SMC4: variants seen among roughly 807,000 people sequenced by gnomAD.
SMC4 encodes structural maintenance of chromosomes 4, also known as structural maintenance of chromosomes protein 4.
In SMC4, 87 loss-of-function variants were observed where a neutral mutation model predicts 145.6. That is an observed-to-expected ratio of 0.60 (90% CI 0.50 to 0.71). SMC4 has a LOEUF of 0.71. Among genes scored for constraint, SMC4 ranks in the 30% least tolerant of loss-of-function variants. The probability of loss-of-function intolerance (pLI) is 0.00; values close to 1 mark genes in which losing one functional copy is unlikely to be tolerated. For missense variants in SMC4, 1,447 were observed against 1,537.1 expected (o/e 0.94, Z 0.98); for synonymous variants, 558 against 500.7 (o/e 1.11, Z -1.53).
intron 7 of SMC4, chr3:160,412,730 A>G (rs182446417): frequency 9.5e-4 from 681 of 718,138 alleles, no homozygotes; most frequent in Admixed American, 5.3e-3. Context: ...AACTTATCCA[A>G]TGTGAGGACT....
chr3:160,413,678 A>T (rs973399766), intron 8 of SMC4, 65 bp downstream of exon 8: 1 of 932,756 alleles, frequency 1.1e-6, no homozygotes, highest in African/African-American at 1.7e-5. Context: ...ATTTATATAT[A>T]AAGTTACTTC....
At chr3:160,400,665 G>T (rs140981914) in intron 1 of SMC4, 157 bp from the exon 2 acceptor site, 2 of 904,974 alleles carry the variant, frequency 2.2e-6, no homozygotes, top group South Asian at 2.2e-5. Context: ...CTTGCCACTC[G>T]TGTCTTTCGA....
intron 13 of SMC4, among the ~76,000 whole-genome samples, chr3:160,422,859 T>A (rs1215136323): frequency 6.6e-6 from 1 of 152,188 alleles, no homozygotes; most frequent in Non-Finnish European, 1.5e-5. Flanking sequence ...AAACTACTCT[T>A]TCCATGTGGC....
chr3:160,426,632 T>A (rs75693260), intron 17 of SMC4, among the ~76,000 whole-genome samples: 2,370 of 152,138 alleles, frequency 0.016, 63 homozygotes, highest in African/African-American at 0.053. Context: ...CTTTCATAAC[T>A]TCTTCTTGTG....
At chr3:160,408,787 A>G (rs1175497622) in intron 5 of SMC4, among the ~76,000 whole-genome samples, 1 of 152,178 alleles carries the variant, frequency 6.6e-6, no homozygotes, top group Admixed American at 6.5e-5. Context: ...ATGGAAAAAG[A>G]AGGAAGAAAG....
chr3:160,425,019 G>GGTTTGTGTGTGTGTGTGTGTGTGT lies in SMC4; in HGVS notation c.2478+2_2478+3insTTGTGTGTGTGTGTGTGTGTGTGT. 1 of 1,227,008 alleles carries GGTTTGTGTGTGTGTGTGTGTGTGT rather than the reference G, an allele frequency of 8.1e-7. No homozygotes were observed. Among genetic ancestry groups the GGTTTGTGTGTGTGTGTGTGTGTGT allele is most frequent in the Non-Finnish European group, 1.1e-6 (1 of 904,464 alleles). 76.0% of individuals were successfully genotyped at this position (1,227,008 alleles called of 1,614,324 possible). ...TAGAAAAATTTACTGCAAGCATCCA[G>GGTTTGTGTGTGTGTGTGTGTGTGT]GTATGTGTGTGTGTGTGTGTGTGTG... On this transcript the variant is annotated inframe_insertion and splice_region_variant. Coordinates refer to ENST00000357388, the MANE Select transcript of SMC4 (RefSeq NM_001002800.3).
At chr3:160,414,632 T>A (rs926129951) in intron 9 of SMC4, 115 bp downstream of exon 9, 3 of 1,069,652 alleles carry the variant, frequency 2.8e-6, no homozygotes, top group Non-Finnish European at 4.1e-6. Flanking sequence ...AAATGTTGTT[T>A]TAAGGTTTGT....
chr3:160,400,903 C>T lies in SMC4; in HGVS notation c.77C>T (p.Ala26Val). 6.7e-7 allele frequency: 1 copy of T among 1,499,000 alleles called. No individual in the cohort carries two copies. The highest frequency in any genetic ancestry group is 8.8e-7 in the Non-Finnish European group (1 of 1,132,936). The allele number at this position is 1,499,000 out of a possible 1,614,324, so 92.9% of individuals were successfully genotyped here. A position where few individuals can be genotyped will look rare whatever the true frequency, so the allele number is the denominator to read the frequency against. ...EGPPPPSPDG[A>V]SSDAEPEPPS... ...CCGCCGCCGCCGTCCCCTGACGGCG[C>T]CAGCAGCGACGCGGAGCCTGAGCCG... The change falls in exon 2 of 24, where the codon GCC becomes GTC. Residue 26 changes from alanine to valine, a missense_variant. Physicochemically the swap from Ala to Val is moderately conservative, Grantham distance 64. Coordinates refer to ENST00000357388, the MANE Select transcript of SMC4 (RefSeq NM_001002800.3).
chr3:160,413,414 A>G lies in SMC4; in HGVS notation c.981-59A>G, dbSNP rs149498901. The G allele has an allele frequency of 2.4e-4, 366 of 1,498,166 alleles. 4 individuals are homozygous for G. The East Asian group carries it at 8.5e-3, about 35-fold the overall frequency. 92.8% of individuals were successfully genotyped at this position (1,498,166 alleles called of 1,614,324 possible). A position where few individuals can be genotyped will look rare whatever the true frequency, so the allele number is the denominator to read the frequency against. On this transcript the variant is annotated intron_variant, in intron 7 of 23. Coordinates refer to ENST00000357388, the MANE Select transcript of SMC4 (RefSeq NM_001002800.3). ...GTTAGTTTTACTAAAATTGTTATACAGTTTTGGAAATGGCATTTTAGGAGC... is the reference window on the plus strand; with the variant it reads ...GTTAGTTTTACTAAAATTGTTATACGGTTTTGGAAATGGCATTTTAGGAGC...
intron 17 of SMC4, 100 bp downstream of exon 17, chr3:160,426,300 T>C (rs1430752716): frequency 3.5e-6 from 3 of 856,446 alleles, no homozygotes; most frequent in Non-Finnish European, 5.7e-6. Flanking sequence ...AAGCTAAGTA[T>C]ATGCAAGTCA....
At position 160,434,166 on chromosome 3, in the gene SMC4, C is replaced by T. The variant is rs1718734154; in HGVS notation, c.*357C>T. The T allele has an allele frequency of 5.8e-6, 1 of 173,090 alleles. No individual in the cohort carries two copies. The highest frequency in any genetic ancestry group is 1.2e-5 in the Non-Finnish European group (1 of 82,362). The allele number at this position is 173,090 out of a possible 1,614,324, so 10.7% of individuals were successfully genotyped here. A position where few individuals can be genotyped will look rare whatever the true frequency, so the allele number is the denominator to read the frequency against. The stretch of plus-strand genomic sequence containing the variant: ...TTTGATTTACCAACACTGGAAATGC[C>T]TGCCAACTAATCTTGGATAGATTCT... On this transcript the variant is annotated 3_prime_UTR_variant, in exon 24 of 24. Coordinates refer to ENST00000357388, the MANE Select transcript of SMC4 (RefSeq NM_001002800.3).
intron 8 of SMC4, 110 bp downstream of exon 8, chr3:160,413,723 A>G (rs539513519): frequency 1.5e-6 from 1 of 648,772 alleles, no homozygotes; most frequent in South Asian, 2.6e-5. Context: ...TTGCCAGCAT[A>G]TCAAGTGGTG....
In SMC4 at chr3:160,426,274, A is replaced by G. The variant is rs868146569; in HGVS notation, c.2605+74A>G. On this transcript the variant is annotated intron_variant, in intron 17 of 23. Transcript: ENST00000357388. ...TTAAAGCTTGCAATATTTAAGAAGC[A>G]GTAGAATAATAATAGAAGCTAAGTA... 3 of 1,093,800 alleles carry G rather than the reference A, an allele frequency of 2.7e-6. No individual in the cohort carries two copies. In the Middle Eastern group the frequency reaches 6.2e-4, roughly 226 times the overall value. The allele number at this position is 1,093,800 out of a possible 1,614,324, so 67.8% of individuals were successfully genotyped here. A position where few individuals can be genotyped will look rare whatever the true frequency, so the allele number is the denominator to read the frequency against.
Position 160,429,010 on chromosome 3 carries a change from A to G in SMC4, c.2795+68A>G. On this transcript the variant is annotated intron_variant, in intron 18 of 23. Transcript: ENST00000357388. ...CCTTCACATTGGAAAGGGGGTTACT[A>G]TGTAATGTTCCATAAAATGTTTCTC... 3.9e-6 allele frequency: 5 copies of G among 1,274,662 alleles called. No homozygotes were observed. In the Middle Eastern group the frequency reaches 7.8e-4, roughly 199 times the overall value. The allele number at this position is 1,274,662 out of a possible 1,614,324, so 79.0% of individuals were successfully genotyped here. A position where few individuals can be genotyped will look rare whatever the true frequency, so the allele number is the denominator to read the frequency against.
intron 20 of SMC4, among the ~76,000 whole-genome samples, 181 bp downstream of exon 20, chr3:160,431,386 C>T (rs1024021589): frequency 2.6e-5 from 4 of 152,066 alleles, no homozygotes; most frequent in Admixed American, 6.5e-5. Context: ...TTGTTATATA[C>T]AGAAAAGTCT....
intron 12 of SMC4, 100 bp from the exon 13 acceptor site, chr3:160,420,640 A>G: frequency 2.4e-6 from 3 of 1,241,918 alleles, no homozygotes; most frequent in South Asian, 1.3e-5. Flanking sequence ...CCATGTCTAC[A>G]TAAAGTTTTT....
chr3:160,430,058 T>C lies in SMC4; in HGVS notation c.2796-541T>C, dbSNP rs551787724. On this transcript the variant is annotated intron_variant, in intron 18 of 23. Transcript: ENST00000357388. ...TTATTGAAGTGTGTCTGAAATAAAG[T>C]TAGGTATGTATATAAAATATTGAAA... Among the ~76,000 whole-genome samples, 18 of 152,308 alleles carry C rather than the reference T, an allele frequency of 1.2e-4. No individual in the cohort carries two copies. The South Asian group carries it at 3.5e-3, about 30-fold the overall frequency.
chr3:160,423,580 A>T lies in SMC4; in HGVS notation c.2175A>T (p.Thr725=). Residue 725 remains threonine (T), a synonymous_variant, in exon 14 of 24, where the codon ACA becomes ACT. Coordinates refer to ENST00000357388, the MANE Select transcript of SMC4 (RefSeq NM_001002800.3). The part of the protein sequence containing the change: ...TLVADNLDQA[T]RVAYQKDRRW... ...TAGCTGACAACTTGGATCAAGCCAC[A>T]AGAGTAGCATATCAAAAAGATAGAA... 1 of 1,613,934 alleles carries T rather than the reference A, an allele frequency of 6.2e-7. No individual in the cohort carries two copies. The highest frequency in any genetic ancestry group is 8.5e-7 in the Non-Finnish European group (1 of 1,179,892).
chr3:160,434,884 CAT>C lies in SMC4; in HGVS notation c.*1077_*1078del, dbSNP rs1210740796. 6.6e-6 allele frequency: 1 copy of C among 152,114 alleles called. No homozygotes were observed. The allele number at this position is 152,114 out of a possible 1,614,324, so 9.4% of individuals were successfully genotyped here. A position where few individuals can be genotyped will look rare whatever the true frequency, so the allele number is the denominator to read the frequency against. ...ATTTAAAAAATCCAACAGTTTCTAT[CAT>C]AATGTAACTGTAAAAATGTAAACAC... On this transcript the variant is annotated 3_prime_UTR_variant, in exon 24 of 24. Coordinates refer to ENST00000357388, the MANE Select transcript of SMC4 (RefSeq NM_001002800.3).
Sources: gnomAD v4.1 joint callset for allele counts (sites outside exome capture counted in the v4.1 genomes callset) on GRCh38, gnomAD v4.1.1 for gene constraint, MANE v1.5 for transcripts, NCBI Gene and HGNC (gene_info 2026-07-23, HGNC 2026-07-21) for gene names.